Variants in TBC1D5 observed in about 807,000 individuals in gnomAD.
TBC1D5 encodes TBC1 domain family, member 5.
In TBC1D5, 75 loss-of-function variants were observed where a neutral mutation model predicts 100.3. The observed-to-expected ratio is 0.75, with a 90% CI of 0.62 to 0.91. The LOEUF (loss-of-function observed/expected upper bound fraction) is 0.91. Ranked by LOEUF, TBC1D5 falls within the 40% of genes least tolerant of loss-of-function variation. The pLI is 0.00. For synonymous variants in TBC1D5, 323 were observed against 325.6 expected (o/e 0.99, Z 0.09); for missense variants, 910 against 942.4 (o/e 0.97, Z 0.45).
intron 13 of TBC1D5, among the ~76,000 whole-genome samples, chr3:17,343,854 C>T (rs1207635884): frequency 6.6e-6 from 1 of 151,992 alleles, no homozygotes; most frequent in Non-Finnish European, 1.5e-5. Context: ...TGATTCTTCT[C>T]TCTTTTCTTC....
chr3:17,486,211 T>G (rs1460535420), intron 3 of TBC1D5, among the ~76,000 whole-genome samples: 2 of 152,146 alleles, frequency 1.3e-5, no homozygotes, highest in Non-Finnish European at 2.9e-5. Context: ...TAAATTTGTT[T>G]GAGTTCATTG....
At chr3:17,342,397 G>A (rs1392882138) in intron 13 of TBC1D5, among the ~76,000 whole-genome samples, 3 of 152,106 alleles carry the variant, frequency 2.0e-5, no homozygotes, top group Non-Finnish European at 4.4e-5. Flanking sequence ...TGCTACACAT[G>A]CCTCTTATTT....
intron 3 of TBC1D5, among the ~76,000 whole-genome samples, chr3:17,493,461 AT>A (rs2095664304): frequency 6.6e-6 from 1 of 151,982 alleles, no homozygotes; most frequent in African/African-American, 2.4e-5. Flanking sequence ...CTGAATTTGA[AT>A]GTTGGCATGT....
At chr3:17,315,950 T>A (rs2084649297) in intron 13 of TBC1D5, among the ~76,000 whole-genome samples, 1 of 152,062 alleles carries the variant, frequency 6.6e-6, no homozygotes, top group South Asian at 2.1e-4. Context: ...TTGGGGAACA[T>A]ATTTGGCTTT....
intron 3 of TBC1D5, among the ~76,000 whole-genome samples, chr3:17,487,005 T>C (rs1252608388): frequency 6.6e-6 from 1 of 152,198 alleles, no homozygotes; most frequent in Non-Finnish European, 1.5e-5. Flanking sequence ...CCACTACAGA[T>C]ATTATTTCAG....
intron 1 of TBC1D5, among the ~76,000 whole-genome samples, chr3:17,682,307 A>G (rs909921507): frequency 6.6e-6 from 1 of 151,444 alleles, no homozygotes; most frequent in African/African-American, 2.5e-5. Context: ...GTAATGCTTT[A>G]TATGAAGAAA....
chr3:17,375,761 A>C (rs954723290), intron 10 of TBC1D5, among the ~76,000 whole-genome samples: 2 of 152,168 alleles, frequency 1.3e-5, no homozygotes, highest in African/African-American at 4.8e-5. Flanking sequence ...TAATTTAACA[A>C]AGGCCTGAAT....
chr3:17,211,945 C>G (rs1206710669), intron 18 of TBC1D5, among the ~76,000 whole-genome samples: 1 of 152,226 alleles, frequency 6.6e-6, no homozygotes, highest in African/African-American at 2.4e-5. Flanking sequence ...CTTCAGAGAG[C>G]AAAAATGTTT....
At chr3:17,569,381 T>C (rs2096612853) in intron 2 of TBC1D5, among the ~76,000 whole-genome samples, 1 of 151,904 alleles carries the variant, frequency 6.6e-6, no homozygotes, top group Non-Finnish European at 1.5e-5. Flanking sequence ...TGTCATGGAA[T>C]TTACTAGGAT....
intron 13 of TBC1D5, among the ~76,000 whole-genome samples, chr3:17,347,241 C>T (rs911789574): frequency 7.9e-5 from 12 of 152,062 alleles, no homozygotes; most frequent in Middle Eastern, 3.2e-3. Context: ...GAACAGTATT[C>T]GTTTTTGTCT....
rs565025662 is a variant in TBC1D5, at chr3:17,557,927, AT to A, written c.-35-49323del. On this transcript the variant is annotated intron_variant, in intron 2 of 21. Transcript: ENST00000253692. ...GGAATGAGTCAATCCTGGCTTTCTG[AT>A]TACCCAGCACAATCATGTTATGAAC... Among the ~76,000 whole-genome samples the A allele has an allele frequency of 9.2e-5, 14 of 152,280 alleles. No individual in the cohort carries two copies. The East Asian group carries it at 2.5e-3, about 27-fold the overall frequency.
chr3:17,731,050 G>C (rs375260198), intron 1 of TBC1D5, among the ~76,000 whole-genome samples: 2 of 152,168 alleles, frequency 1.3e-5, no homozygotes, highest in African/African-American at 4.8e-5. Flanking sequence ...CTGGAACAGA[G>C]TGGCATTTAA....
chr3:17,325,246 A>T (rs1331772776), intron 13 of TBC1D5, among the ~76,000 whole-genome samples: 2 of 149,248 alleles, frequency 1.3e-5, no homozygotes, highest in Admixed American at 1.3e-4. Context: ...TGGTATATCC[A>T]GAAACTGGAA....
intron 3 of TBC1D5, among the ~76,000 whole-genome samples, chr3:17,497,020 A>G (rs961707080): frequency 1.3e-5 from 2 of 151,860 alleles, no homozygotes; most frequent in African/African-American, 2.4e-5. Context: ...GCCTATTCAT[A>G]TAGTACTGCT....
At chr3:17,336,032 C>T (rs1314145507) in intron 13 of TBC1D5, among the ~76,000 whole-genome samples, 8 of 152,032 alleles carry the variant, frequency 5.3e-5, no homozygotes, top group Admixed American at 4.6e-4. Flanking sequence ...TCAGGGTTTA[C>T]AATGTATAAG....
At chr3:17,493,216 T>C (rs976935740) in intron 3 of TBC1D5, among the ~76,000 whole-genome samples, 5 of 152,122 alleles carry the variant, frequency 3.3e-5, no homozygotes, top group African/African-American at 9.7e-5. Context: ...AGATGTGAAA[T>C]TGTGGGTTGG....
intron 18 of TBC1D5, among the ~76,000 whole-genome samples, chr3:17,210,379 G>A (rs529991950): frequency 6.6e-6 from 1 of 152,014 alleles, no homozygotes; most frequent in African/African-American, 2.4e-5. Context: ...GTAGCGATGG[G>A]GTTTCACCAT....
intron 1 of TBC1D5, among the ~76,000 whole-genome samples, chr3:17,689,119 T>A (rs1308235889): frequency 6.6e-6 from 1 of 151,892 alleles, no homozygotes; most frequent in Non-Finnish European, 1.5e-5. Context: ...ATTATCACCA[T>A]AAAAGAAATG....
At chr3:17,545,327 G>C (rs1050814715) in intron 2 of TBC1D5, among the ~76,000 whole-genome samples, 14 of 152,148 alleles carry the variant, frequency 9.2e-5, no homozygotes, top group Non-Finnish European at 1.6e-4. Context: ...GGAGAAGACT[G>C]CCACTTACAA....
Sources: allele counts gnomAD v4.1 joint callset (sites outside exome capture counted in the v4.1 genomes callset), GRCh38; gene constraint gnomAD v4.1.1; transcripts MANE v1.5; gene names NCBI Gene and HGNC (gene_info 2026-07-23, HGNC 2026-07-21).